RBFOX1: variants seen among roughly 807,000 people sequenced by gnomAD.
The protein encoded by RBFOX1 is RNA binding protein fox-1 homolog 1.
Under a neutral mutation model 57.7 loss-of-function variants are expected in RBFOX1, and 8 were observed. The ratio of observed to expected loss-of-function variants is 0.14; its 90% CI spans 0.08 to 0.25. RBFOX1 has a LOEUF of 0.25. Ranked by LOEUF, RBFOX1 falls within the 10% of genes least tolerant of loss-of-function variation. The pLI, the probability that RBFOX1 is intolerant of heterozygous loss-of-function variation, is 1.00. For synonymous variants in RBFOX1, 326 were observed against 222.4 expected (o/e 1.47, Z -4.15); for missense variants, 611 against 548.5 (o/e 1.11, Z -1.14).
chr16:6,009,044 A>G (rs2094944113), intron 4 of RBFOX1, among the ~76,000 whole-genome samples: 1 of 151,782 alleles, frequency 6.6e-6, no homozygotes, highest in Admixed American at 6.6e-5. Context: ...CTAAAAATGG[A>G]GAGGGATGCA....
At chr16:6,922,891 A>C (rs2074786043) in intron 3 of RBFOX1, among the ~76,000 whole-genome samples, 1 of 152,178 alleles carries the variant, frequency 6.6e-6, no homozygotes, top group Admixed American at 6.5e-5. Context: ...GAAGTCTTAA[A>C]CAAGGGGGTC....
chr16:6,029,430 G>A (rs1231150008), intron 1 of RBFOX1, among the ~76,000 whole-genome samples: 1 of 152,174 alleles, frequency 6.6e-6, no homozygotes, highest in African/African-American at 2.4e-5. Flanking sequence ...CACTGAAAGA[G>A]GATAGACTAT....
intron 4 of RBFOX1, among the ~76,000 whole-genome samples, chr16:7,289,706 G>A (rs1485959972): frequency 6.6e-6 from 1 of 152,100 alleles, no homozygotes. Context: ...GATATGTGTT[G>A]TGCACTTCCT....
At chr16:5,867,359 C>T in intron 4 of RBFOX1, 1 of 1,173,114 alleles carries the variant, frequency 8.5e-7, no homozygotes, top group Admixed American at 4.2e-5. Context: ...TTTTTCTGTC[C>T]CTTTAGAAGA....
intron 3 of RBFOX1, among the ~76,000 whole-genome samples, chr16:6,912,792 T>C (rs576500714): frequency 1.3e-5 from 2 of 152,010 alleles, no homozygotes; most frequent in African/African-American, 4.8e-5. Context: ...CGCCTAATTT[T>C]TTTTTTTAAG....
chr16:7,169,552 A>T (rs1393390066), intron 4 of RBFOX1, among the ~76,000 whole-genome samples: 1 of 152,218 alleles, frequency 6.6e-6, no homozygotes, highest in Non-Finnish European at 1.5e-5. Context: ...GTAGAAAAAC[A>T]GTGATGTACA....
At chr16:6,897,728 G>T (rs1023891984) in intron 3 of RBFOX1, among the ~76,000 whole-genome samples, 1 of 152,154 alleles carries the variant, frequency 6.6e-6, no homozygotes, top group Non-Finnish European at 1.5e-5. Flanking sequence ...GGGAGGCAGA[G>T]GTTGCAGTGT....
At chr16:5,781,522 T>C (rs1266807304) in intron 3 of RBFOX1, among the ~76,000 whole-genome samples, 3 of 152,196 alleles carry the variant, frequency 2.0e-5, no homozygotes, top group Non-Finnish European at 4.4e-5. Flanking sequence ...GGAAAGGAAT[T>C]GGCAAACTTT....
chr16:6,253,245 A>T (rs181739183), intron 1 of RBFOX1, among the ~76,000 whole-genome samples: 65 of 152,326 alleles, frequency 4.3e-4, no homozygotes, highest in Non-Finnish European at 1.5e-4. Context: ...TGTTAAAAGC[A>T]GTCTGATTGA....
intron 3 of RBFOX1, among the ~76,000 whole-genome samples, chr16:5,689,231 C>G (rs1199164906): frequency 6.6e-6 from 1 of 152,150 alleles, no homozygotes; most frequent in Non-Finnish European, 1.5e-5. Flanking sequence ...CTTATCAGCT[C>G]CATCACTTAT....
Position 7,235,850 on chromosome 16 carries a change from G to A in RBFOX1, c.27+183752G>A, listed in dbSNP as rs140887638. Among the ~76,000 whole-genome samples the A allele has an allele frequency of 3.4e-3, 525 of 152,274 alleles. 2 individuals carry two copies. Among genetic ancestry groups the A allele is most frequent in the Non-Finnish European group, 5.4e-3 (365 of 68,024 alleles). ...ACAATTCCAGTTTTTACAGTTGAAG[G>A]CTATTAATCAATGAAGCAGTGTGGA... On this transcript the variant is annotated intron_variant, in intron 4 of 15. Transcript: ENST00000550418.
chr16:7,153,760 A>G (rs1284961604), intron 4 of RBFOX1, among the ~76,000 whole-genome samples: 1 of 151,116 alleles, frequency 6.6e-6, no homozygotes, highest in Non-Finnish European at 1.5e-5. Flanking sequence ...GAAAGAAAGG[A>G]AAGGACATGT....
At chr16:7,174,825 C>G (rs1419677265) in intron 4 of RBFOX1, among the ~76,000 whole-genome samples, 1 of 152,122 alleles carries the variant, frequency 6.6e-6, no homozygotes, top group Admixed American at 6.6e-5. Context: ...AAGTATTTTT[C>G]CAAAGCGGTT....
In RBFOX1 at chr16:7,071,239, T is replaced by C. The variant is rs527369042; in HGVS notation, c.27+19141T>C. Among the ~76,000 whole-genome samples, 62 of 152,246 alleles carry C rather than the reference T, an allele frequency of 4.1e-4. 1 individual carries two copies. In the South Asian group the frequency reaches 0.012, roughly 29 times the overall value. ...AAGCTTTTATTGAGCATATACTACATACACCACTAGGAGAATAGTAATGTC... is the reference window on the plus strand; with the variant it reads ...AAGCTTTTATTGAGCATATACTACACACACCACTAGGAGAATAGTAATGTC... On this transcript the variant is annotated intron_variant, in intron 4 of 15. Transcript: ENST00000550418.
intron 4 of RBFOX1, among the ~76,000 whole-genome samples, chr16:7,449,384 G>C (rs2098833531): frequency 6.6e-6 from 1 of 152,190 alleles, no homozygotes; most frequent in South Asian, 2.1e-4. Flanking sequence ...GAGAATGGCA[G>C]TGAAAATAGA....
intron 4 of RBFOX1, among the ~76,000 whole-genome samples, chr16:7,058,002 TG>T (rs372788243): frequency 1.1e-3 from 36 of 32,366 alleles, no homozygotes; most frequent in East Asian, 8.4e-3. Context: ...AGGGAGACTG[TG>T]GGGAAAAAAA....
At chr16:7,251,404 C>G (rs1180805368) in intron 4 of RBFOX1, among the ~76,000 whole-genome samples, 1 of 94,184 alleles carries the variant, frequency 1.1e-5, no homozygotes, top group African/African-American at 5.7e-5. Context: ...TACTTCTGTC[C>G]GTTTTTTTTT....
intron 4 of RBFOX1, among the ~76,000 whole-genome samples, chr16:5,889,055 T>C (rs2057976329): frequency 6.6e-6 from 1 of 152,182 alleles, no homozygotes. Flanking sequence ...TCAATAAAAA[T>C]GTCACTACGT....
At chr16:5,628,846 G>A (rs1393164540) in intron 3 of RBFOX1, among the ~76,000 whole-genome samples, 3 of 152,132 alleles carry the variant, frequency 2.0e-5, no homozygotes, top group Non-Finnish European at 4.4e-5. Context: ...ATTCTACATG[G>A]GCTATGATGA....
Sources: gnomAD v4.1 joint callset for allele counts (sites outside exome capture counted in the v4.1 genomes callset) on GRCh38, gnomAD v4.1.1 for gene constraint, MANE v1.5 for transcripts, NCBI Gene and HGNC (gene_info 2026-07-23, HGNC 2026-07-21) for gene names.